PLIN4: variants seen among roughly 807,000 people sequenced by gnomAD.
PLIN4 encodes perilipin 4.
PLIN4 carries 57 observed loss-of-function variants against 52.4 expected under a neutral mutation model. That is an observed-to-expected ratio of 1.09 (90% CI 0.88 to 1.36). The LOEUF is 1.36. PLIN4 is among the 40% of genes most tolerant of loss of function. PLIN4 has a pLI of 0.00. For missense variants in PLIN4, 1,757 were observed against 1,770.3 expected (o/e 0.99, Z 0.13); for synonymous variants, 826 against 785.4 (o/e 1.05, Z -0.86).
rs757280827 is a variant in PLIN4, at chr19:4,508,821, C to T, written c.3649G>A (p.Gly1217Ser). Residue 1217 changes from glycine to serine, a missense_variant, in exon 6 of 8, where the codon GGC becomes AGC. By Grantham distance (56) the Gly-to-Ser change is moderately conservative. Coordinates refer to ENST00000301286, the MANE Select transcript of PLIN4 (RefSeq NM_001367868.2). ...AGAGTGTCCCTGGCTTGGAACTGGC[C>T]GTGCTGCAGGTGGCTCACCGCGTGT... ...FEHAVSHLQH[G>S]QFQARDTLAQ... The T allele has an allele frequency of 9.8e-5, 157 of 1,602,844 alleles. No homozygotes were observed. The highest frequency in any genetic ancestry group is 3.3e-4 in the Middle Eastern group (2 of 6,046).
chr19:4,513,460 C>T lies in PLIN4; in HGVS notation c.500G>A (p.Gly167Asp). Residue 167 changes from glycine to aspartate, a missense_variant, in exon 5 of 8, where the codon GGC becomes GAC. Coordinates refer to ENST00000301286, the MANE Select transcript of PLIN4 (RefSeq NM_001367868.2). ...GLDTSKAVLT[G>D]TKDTVSTGLT... ...CCCAGTGGACACCGTGTCCTTGGTG[C>T]CGGTGAGGACAGCCTTCGAGGTGTC... The T allele has an allele frequency of 6.2e-7, 1 of 1,613,422 alleles. No individual in the cohort carries two copies. The highest frequency in any genetic ancestry group is 8.5e-7 in the Non-Finnish European group (1 of 1,179,894).
chr19:4,513,656 C>A lies in PLIN4; in HGVS notation c.304G>T (p.Ala102Ser), dbSNP rs1976506781. The A allele has an allele frequency of 6.2e-6, 10 of 1,603,958 alleles. No homozygotes were observed. Among genetic ancestry groups the A allele is most frequent in the Non-Finnish European group, 6.8e-6 (8 of 1,175,196 alleles). Residue 102 changes from alanine (A) to serine (S), a missense_variant, in exon 5 of 8, where the codon GCC becomes TCC. Ala to Ser is a moderately conservative substitution (Grantham distance 99). Coordinates refer to ENST00000301286, the MANE Select transcript of PLIN4 (RefSeq NM_001367868.2). ...KDLVCSKMSR[A>S]KDAVSSGVAS... ...ACCCCGGAGGACACGGCATCCTTGGCCCTGGACATCTTGGAACACACCAGG... is the reference window on the plus strand; with the variant it reads ...ACCCCGGAGGACACGGCATCCTTGGACCTGGACATCTTGGAACACACCAGG...
In PLIN4 at chr19:4,517,842, T is replaced by C. The variant is rs370362072; in HGVS notation, c.52-144A>G. 240 of 1,102,308 alleles carry C rather than the reference T, an allele frequency of 2.2e-4. No homozygotes were observed. The African/African-American group carries it at 3.5e-3, about 16-fold the overall frequency. The allele number at this position is 1,102,308 out of a possible 1,614,324, so 68.3% of individuals were successfully genotyped here. A position where few individuals can be genotyped will look rare whatever the true frequency, so the allele number is the denominator to read the frequency against. On this transcript the variant is annotated intron_variant, in intron 2 of 7. Coordinates refer to ENST00000301286, the MANE Select transcript of PLIN4 (RefSeq NM_001367868.2). ...AGGAAAGTGTTTCAGCCACTCAGCC[T>C]CAATTTCCACACCTGGGCAATGGGC...
chr19:4,502,203 A>C lies in PLIN4; in HGVS notation c.*2256T>G. On this transcript the variant is annotated 3_prime_UTR_variant, in exon 8 of 8. Transcript: ENST00000301286. ...ATGACTATAAATGGTTTTTTAATGAAAAAAGAAATCACTTTTATTGGCTTG... is the reference window on the plus strand; with the variant it reads ...ATGACTATAAATGGTTTTTTAATGACAAAAGAAATCACTTTTATTGGCTTG... 1.5e-6 allele frequency: 1 copy of C among 671,174 alleles called. No homozygotes were observed. Among genetic ancestry groups the C allele is most frequent in the Non-Finnish European group, 2.7e-6 (1 of 375,590 alleles). 41.6% of individuals were successfully genotyped at this position (671,174 alleles called of 1,614,324 possible). A position where few individuals can be genotyped will look rare whatever the true frequency, so the allele number is the denominator to read the frequency against.
At position 4,512,532 on chromosome 19, in the gene PLIN4, A is replaced by T. The variant is rs747783822; in HGVS notation, c.1428T>A (p.Ala476=). 2 of 1,607,106 alleles carry T rather than the reference A, an allele frequency of 1.2e-6. No homozygotes were observed. Among genetic ancestry groups the T allele is most frequent in the Non-Finnish European group, 1.7e-6 (2 of 1,176,488 alleles). The change falls in exon 5 of 8, where the codon GCT becomes GCA. Residue 476 remains alanine (A), a synonymous_variant. Coordinates refer to ENST00000301286, the MANE Select transcript of PLIN4 (RefSeq NM_001367868.2). The stretch of plus-strand genomic sequence containing the variant: ...GGACGGCCCCTTTGGCCACATTCGC[A>T]GCACCGGTGACCCCACTGCAGACAG... ...KDTVCSGVTG[A]ANVAKGAVQG...
intron 5 of PLIN4, among the ~76,000 whole-genome samples, chr19:4,509,529 CAGG>C (rs1231195503): frequency 4.0e-5 from 6 of 151,706 alleles, no homozygotes; most frequent in African/African-American, 1.2e-4. Flanking sequence ...GGAGGCTGAG[CAGG>C]AGAATTGCTT....
chr19:4,512,794 A>T lies in PLIN4; in HGVS notation c.1166T>A (p.Leu389Gln), dbSNP rs367547488. The T allele has an allele frequency of 1.5e-5, 24 of 1,564,188 alleles. 1 individual carries two copies. The highest frequency in any genetic ancestry group is 2.0e-5 in the Non-Finnish European group (23 of 1,161,642). The change falls in exon 5 of 8, where the codon CTG becomes CAG. Residue 389 changes from leucine (L) to glutamine (Q), a missense_variant. Coordinates refer to ENST00000301286, the MANE Select transcript of PLIN4 (RefSeq NM_001367868.2). ...CATGACCATAGACTTGGTGGTATCC[A>T]GGCCCCCCTGGATGGCCTCTTTGGC... Reference protein sequence around the residue: ...NLAKEAIQGGLDTTKSMVMGT... With the variant: ...NLAKEAIQGGQDTTKSMVMGT...
chr19:4,509,094 G>A (rs1052002661), intron 5 of PLIN4, 139 bp from the exon 6 acceptor site: 10 of 745,082 alleles, frequency 1.3e-5, no homozygotes, highest in African/African-American at 3.6e-5. Context: ...CAGATCACGA[G>A]GTCAGGAGAT....
chr19:4,512,798 C>T lies in PLIN4; in HGVS notation c.1162G>A (p.Gly388Ser), dbSNP rs2145288585. 6.4e-7 allele frequency: 1 copy of T among 1,564,840 alleles called. No individual in the cohort carries two copies. The highest frequency in any genetic ancestry group is 8.6e-7 in the Non-Finnish European group (1 of 1,161,692). Reference sequence around the variant, plus strand: ...ACCATAGACTTGGTGGTATCCAGGCCCCCCTGGATGGCCTCTTTGGCCAAG... The same window carrying T: ...ACCATAGACTTGGTGGTATCCAGGCTCCCCTGGATGGCCTCTTTGGCCAAG... Reference protein sequence around the residue: ...VNLAKEAIQGGLDTTKSMVMG... With the variant: ...VNLAKEAIQGSLDTTKSMVMG... Residue 388 changes from glycine to serine, a missense_variant, in exon 5 of 8, where the codon GGC becomes AGC. Gly to Ser is a moderately conservative substitution (Grantham distance 56). Transcript: ENST00000301286.
rs1568233183 is a variant in PLIN4, at chr19:4,512,192, C to A, written c.1768G>T (p.Ala590Ser). ...TTGGTGCCGGTCAGCACGGTCTTGG[C>A]TGTGTCTACACCTGTCTGGACAGCC... is the stretch of plus-strand genomic sequence containing the variant. ...KGAVQTGVDT[A>S]KTVLTGTKDT... Residue 590 changes from alanine to serine, a missense_variant, in exon 5 of 8, where the codon GCC (alanine) becomes TCC (serine). Physicochemically the swap from Ala to Ser is moderately conservative, Grantham distance 99 (BLOSUM62 1). Transcript: ENST00000301286. 3 of 1,611,080 alleles carry A rather than the reference C, an allele frequency of 1.9e-6. No individual in the cohort carries two copies. The highest frequency in any genetic ancestry group is 2.5e-6 in the Non-Finnish European group (3 of 1,179,286).
Position 4,517,407 on chromosome 19 carries a change from C to T in PLIN4, c.196+147G>A, listed in dbSNP as rs1478817802. ...ATATTTATGCCTCAGTTTCCCCATCCACCACAAGATGTCCTAGTGTCTGAT... is the reference window on the plus strand; with the variant it reads ...ATATTTATGCCTCAGTTTCCCCATCTACCACAAGATGTCCTAGTGTCTGAT... On this transcript the variant is annotated intron_variant, in intron 3 of 7. Coordinates refer to ENST00000301286, the MANE Select transcript of PLIN4 (RefSeq NM_001367868.2). 8.0e-6 allele frequency: 9 copies of T among 1,121,162 alleles called. No homozygotes were observed. In the East Asian group the frequency reaches 1.4e-4, roughly 17 times the overall value. 69.5% of individuals were successfully genotyped at this position (1,121,162 alleles called of 1,614,324 possible).
rs199898043 is a variant in PLIN4, at chr19:4,512,455, A to G, written c.1505T>C (p.Val502Ala). ...KSVLTGTKDA[V>A]STGLTGAVNV... Reference sequence around the variant, plus strand: ...CACAGCCCCTGTGAGCCCAGTGGACACAGCATCTTTAGTGCCAGTCAGGAC... The same window carrying G: ...CACAGCCCCTGTGAGCCCAGTGGACGCAGCATCTTTAGTGCCAGTCAGGAC... Residue 502 changes from valine (V) to alanine (A), a missense_variant, in exon 5 of 8, where the codon GTG (valine) becomes GCG (alanine). Val to Ala is a moderately conservative substitution (Grantham distance 64). Transcript: ENST00000301286. 150 of 1,610,364 alleles carry G rather than the reference A, an allele frequency of 9.3e-5. No homozygotes were observed. The highest frequency in any genetic ancestry group is 2.7e-5 in the Non-Finnish European group (32 of 1,178,836).
At position 4,513,358 on chromosome 19, in the gene PLIN4, G is replaced by C; in HGVS notation, c.602C>G (p.Thr201Ser). ...GACCCCAGTAGTCACTGTGTCTTTG[G>C]TGCCGGTCAGCACAGTCTTGGTGGT... Reference protein sequence around the residue: ...VDTTKTVLTGTKDTVTTGVMG... With the variant: ...VDTTKTVLTGSKDTVTTGVMG... Residue 201 changes from threonine (T) to serine (S), a missense_variant, in exon 5 of 8, where the codon ACC becomes AGC. Physicochemically the swap from Thr to Ser is moderately conservative, Grantham distance 58 (BLOSUM62 1). This residue lies in a region of PLIN4 where 332 missense variants were observed against 310.8 expected (regional missense o/e 1.07). Coordinates refer to ENST00000301286, the MANE Select transcript of PLIN4 (RefSeq NM_001367868.2). 3 of 1,613,568 alleles carry C rather than the reference G, an allele frequency of 1.9e-6. No homozygotes were observed. The highest frequency in any genetic ancestry group is 2.5e-6 in the Non-Finnish European group (3 of 1,179,868).
In PLIN4 at chr19:4,503,597, C is replaced by T. The variant is rs181794966; in HGVS notation, c.*862G>A. ...TCCCTCCATAGGGCACAGTTCCCTG[C>T]GGGGAAGTCCTTTGTCTGTGTTCTC... is the stretch of plus-strand genomic sequence containing the variant. On this transcript the variant is annotated 3_prime_UTR_variant, in exon 8 of 8. Transcript: ENST00000301286. The T allele has an allele frequency of 1.7e-3, 259 of 152,490 alleles. 1 individual carries two copies. The highest frequency in any genetic ancestry group is 5.5e-3 in the African/African-American group (230 of 41,566). The allele number at this position is 152,490 out of a possible 1,614,324, so 9.4% of individuals were successfully genotyped here.
chr19:4,512,171 T>G lies in PLIN4; in HGVS notation c.1789A>C (p.Thr597Pro), dbSNP rs150429826. The change falls in exon 5 of 8, where the codon ACC (threonine) becomes CCC (proline). Residue 597 changes from threonine to proline, a missense_variant. Around this residue, in one of 7 missense-constraint regions of PLIN4, gnomAD observed 439 missense variants for 406.4 expected, o/e 1.08. Coordinates refer to ENST00000301286, the MANE Select transcript of PLIN4 (RefSeq NM_001367868.2). ...AGCCCAGTAGTCACTGTGTCCTTGG[T>G]GCCGGTCAGCACGGTCTTGGCTGTG... The part of the protein sequence containing the change: ...VDTAKTVLTG[T>P]KDTVTTGLVG... 5.3e-4 allele frequency: 847 copies of G among 1,611,818 alleles called. 30 individuals carry two copies. In the African/African-American group the frequency reaches 0.01, roughly 19 times the overall value.
In PLIN4 at chr19:4,511,446, A is replaced by G; in HGVS notation, c.2514T>C (p.Gly838=). Residue 838 remains glycine (G), a synonymous_variant, in exon 5 of 8, where the codon GGT becomes GGC. Coordinates refer to ENST00000301286, the MANE Select transcript of PLIN4 (RefSeq NM_001367868.2). ...CAGCACCCTTGGCCACGTTCGCAGC[A>G]CCGGTGACCCCACTGCAGACAGTGT... The part of the protein sequence containing the change: ...TKDTVCSGVT[G]AANVAKGAVQ... 2.1e-6 allele frequency: 3 copies of G among 1,425,046 alleles called. No individual in the cohort carries two copies. The highest frequency in any genetic ancestry group is 2.8e-6 in the Non-Finnish European group (3 of 1,073,488). 88.3% of individuals were successfully genotyped at this position (1,425,046 alleles called of 1,614,324 possible).
At chr19:4,515,003 C>G (rs1160297208) in intron 4 of PLIN4, among the ~76,000 whole-genome samples, 1 of 151,670 alleles carries the variant, frequency 6.6e-6, no homozygotes, top group African/African-American at 2.4e-5. Flanking sequence ...TGGCGAAACC[C>G]TGTCTCTACT....
At position 4,508,862 on chromosome 19, in the gene PLIN4, C is replaced by T. The variant is rs200494246; in HGVS notation, c.3608G>A (p.Arg1203His). 2.9e-5 allele frequency: 46 copies of T among 1,612,220 alleles called. No individual in the cohort carries two copies. In the East Asian group the frequency reaches 6.0e-4, roughly 21 times the overall value. Residue 1203 changes from arginine to histidine, a missense_variant, in exon 6 of 8, where the codon CGC becomes CAC. Transcript: ENST00000301286. ...VRLGDLGPSF[R>H]QRAFEHAVSH... The stretch of plus-strand genomic sequence containing the variant: ...CACCGCGTGTTCAAATGCCCGCTGG[C>T]GGAAGCTGGGACCCAGGTCACCTAA...
At chr19:4,514,877 C>CT (rs1331531923) in intron 4 of PLIN4, among the ~76,000 whole-genome samples, 1 of 146,902 alleles carries the variant, frequency 6.8e-6, no homozygotes, top group East Asian at 2.0e-4. Context: ...GAGACCCCAT[C>CT]TTTAAAAAAA....
Sources: gnomAD v4.1 joint callset for allele counts (sites outside exome capture counted in the v4.1 genomes callset) on GRCh38, gnomAD v4.1.1 for gene constraint, gnomAD v4.1.1 regional missense constraint, MANE v1.5 for transcripts, NCBI Gene and HGNC (gene_info 2026-07-23, HGNC 2026-07-21) for gene names.